TENM4: variants seen among roughly 807,000 people sequenced by gnomAD.
TENM4 encodes the protein teneurin-4.
A neutral mutation model predicts 243.3 loss-of-function variants in TENM4; 82 were observed. The ratio of observed to expected loss-of-function variants is 0.34; its 90% CI spans 0.28 to 0.40. The LOEUF (loss-of-function observed/expected upper bound fraction) is 0.40. TENM4 is among the 10% of genes least tolerant of loss of function. TENM4 has a pLI of 1.00. For missense variants in TENM4, 3,138 were observed against 3,673.3 expected (o/e 0.85, Z 3.77); for synonymous variants, 1,412 against 1,456.3 (o/e 0.97, Z 0.69).
chr11:79,163,537 C>T (rs868749929), intron 3 of TENM4, among the ~76,000 whole-genome samples: 4 of 151,910 alleles, frequency 2.6e-5, no homozygotes, highest in Admixed American at 2.0e-4. Context: ...TTATTCCTCA[C>T]ACCCCTCCTA....
rs915433286 is a variant in TENM4 at position 78,658,458 on chromosome 11, C to G, written c.7910G>C (p.Gly2637Ala). The G allele has an allele frequency of 6.2e-7, 1 of 1,613,930 alleles. No homozygotes were observed. Among genetic ancestry groups the G allele is most frequent in the African/African-American group, 1.3e-5 (1 of 74,926 alleles). The change falls in exon 34 of 34, where the codon GGG becomes GCG. Residue 2637 changes from glycine to alanine, a missense_variant. Gly to Ala is a moderately conservative substitution (Grantham distance 60, BLOSUM62 0). Transcript: ENST00000278550. ...GACCCCATTCTCCAGGGTTCGCCGC[C>G]CCCCACTGAGGCCCAGGATGGCCAG... ...GDLAILGLSG[G>A]RRTLENGVNV... is the part of the protein sequence containing the mutation.
At position 79,211,231 on chromosome 11, in the gene TENM4, A is replaced by C. The variant is rs187556235; in HGVS notation, c.-163+4577T>G. 7.2e-5 allele frequency among the ~76,000 whole-genome samples: 11 copies of C among 152,298 alleles called. No homozygotes were observed. In the East Asian group the frequency reaches 2.1e-3, roughly 29 times the overall value. On this transcript the variant is annotated intron_variant, in intron 3 of 33. Transcript: ENST00000278550. ...AAGCATTCTAGGCCAAGAGAATACC[A>C]TGTGCAAAGGCCTAAGGTCTCCCTA...
chr11:78,855,949 TG>T lies in TENM4; in HGVS notation c.1470+14del. On this transcript the variant is annotated intron_variant, in intron 11 of 33. Transcript: ENST00000278550. ...AGCCCATGCAGATCAACAGGGTATGTGGGGTTCTGGTTACCTGTGTATGTGA... is the reference window on the plus strand; with the variant it reads ...AGCCCATGCAGATCAACAGGGTATGTGGGTTCTGGTTACCTGTGTATGTGA... 1 of 1,550,546 alleles carries T rather than the reference TG, an allele frequency of 6.4e-7. No homozygotes were observed. Among genetic ancestry groups the T allele is most frequent in the South Asian group, 1.2e-5 (1 of 83,996 alleles).
intron 12 of TENM4, among the ~76,000 whole-genome samples, chr11:78,820,839 CCAGAAGCACAAA>C (rs1382611840): frequency 6.6e-6 from 1 of 152,162 alleles, no homozygotes; most frequent in Non-Finnish European, 1.5e-5. Context: ...AACTTGTCTC[CCAGAAGCACAAA>C]CACAAGCAGG....
intron 6 of TENM4, among the ~76,000 whole-genome samples, chr11:79,063,131 T>C (rs1860142934): frequency 6.6e-6 from 1 of 152,144 alleles, no homozygotes; most frequent in African/African-American, 2.4e-5. Flanking sequence ...GATGCACCTT[T>C]GGAACTCTGC....
At chr11:79,277,048 C>T (rs1229903178) in intron 2 of TENM4, among the ~76,000 whole-genome samples, 1 of 152,102 alleles carries the variant, frequency 6.6e-6, no homozygotes, top group Non-Finnish European at 1.5e-5. Context: ...GTTTTTTTGG[C>T]TGTGCTGGTG....
intron 2 of TENM4, among the ~76,000 whole-genome samples, chr11:79,291,930 C>G (rs140148378): frequency 1.6e-4 from 24 of 152,290 alleles, no homozygotes; most frequent in African/African-American, 5.1e-4. Context: ...AGCCTTGATT[C>G]ATGCAAATTG....
At chr11:79,034,659 T>C (rs879897476) in intron 6 of TENM4, among the ~76,000 whole-genome samples, 5 of 152,124 alleles carry the variant, frequency 3.3e-5, no homozygotes, top group African/African-American at 7.2e-5. Context: ...ACACTCTATC[T>C]GTAAGATGCT....
intron 6 of TENM4, among the ~76,000 whole-genome samples, chr11:78,948,663 G>A (rs1009148719): frequency 6.4e-4 from 98 of 152,122 alleles, no homozygotes; most frequent in Non-Finnish European, 1.1e-3. Flanking sequence ...GAGCCACTGC[G>A]CCCGGCCCCC....
chr11:78,925,235 G>A (rs1856528720), intron 6 of TENM4, among the ~76,000 whole-genome samples: 1 of 151,674 alleles, frequency 6.6e-6, no homozygotes, highest in African/African-American at 2.4e-5. Flanking sequence ...TCTGAGTGTA[G>A]AATAAATTCT....
chr11:79,193,511 A>G (rs573457891), intron 3 of TENM4, among the ~76,000 whole-genome samples: 1 of 152,122 alleles, frequency 6.6e-6, no homozygotes, highest in African/African-American at 2.4e-5. Context: ...GGCCGGTCAT[A>G]CTCTGAGTTG....
chr11:79,148,200 T>A (rs1289111589), intron 4 of TENM4, among the ~76,000 whole-genome samples: 1 of 152,066 alleles, frequency 6.6e-6, no homozygotes, highest in Non-Finnish European at 1.5e-5. Flanking sequence ...GAGAAATGAT[T>A]GGAGGAACAA....
At chr11:78,677,659 A>AC (rs1293857627) in intron 29 of TENM4, among the ~76,000 whole-genome samples, 3 of 151,916 alleles carry the variant, frequency 2.0e-5, no homozygotes, top group Non-Finnish European at 4.4e-5. Context: ...AATGACAAAA[A>AC]AAAATACATA....
At chr11:79,205,906 C>T (rs1312199218) in intron 3 of TENM4, among the ~76,000 whole-genome samples, 2 of 152,192 alleles carry the variant, frequency 1.3e-5, no homozygotes, top group Non-Finnish European at 2.9e-5. Context: ...TCCATGCAGC[C>T]ACCGTGCTGA....
Position 79,422,493 on chromosome 11 carries a change from A to C in TENM4, c.-321+18016T>G, listed in dbSNP as rs912436578. ...GTTTAATATGGGGCCCCTAATTCAT[A>C]ATAGGATACCTAAGAATGTCATTCC... is the stretch of plus-strand genomic sequence containing the variant. On this transcript the variant is annotated intron_variant, in intron 1 of 33. Transcript: ENST00000278550. 5.3e-5 allele frequency among the ~76,000 whole-genome samples: 8 copies of C among 152,234 alleles called. No homozygotes were observed. In the Middle Eastern group the frequency reaches 0.01, roughly 194 times the overall value.
chr11:78,894,094 C>T (rs1027202270), intron 7 of TENM4, among the ~76,000 whole-genome samples: 3 of 152,146 alleles, frequency 2.0e-5, no homozygotes, highest in African/African-American at 7.2e-5. Flanking sequence ...GAAGCATGCC[C>T]GGCATACAGC....
intron 2 of TENM4, among the ~76,000 whole-genome samples, chr11:79,257,677 A>C (rs1462511261): frequency 6.6e-6 from 1 of 152,208 alleles, no homozygotes; most frequent in Non-Finnish European, 1.5e-5. Context: ...AGCCTCCTCT[A>C]GTAGAGGTTT....
intron 9 of TENM4, among the ~76,000 whole-genome samples, chr11:78,870,430 T>A (rs569364333): frequency 6.6e-6 from 1 of 152,176 alleles, no homozygotes; most frequent in African/African-American, 2.4e-5. Flanking sequence ...CTAGAGATAT[T>A]TGCCCAATAG....
intron 32 of TENM4, among the ~76,000 whole-genome samples, chr11:78,664,019 G>A (rs1200935614): frequency 1.3e-5 from 2 of 152,166 alleles, no homozygotes; most frequent in Non-Finnish European, 2.9e-5. Context: ...CAAAATCATA[G>A]GAAAGAACAT....
Sources: gnomAD v4.1 joint callset for allele counts (sites outside exome capture counted in the v4.1 genomes callset) on GRCh38, gnomAD v4.1.1 for gene constraint, MANE v1.5 for transcripts, NCBI Gene and HGNC (gene_info 2026-07-23, HGNC 2026-07-21) for gene names.